The following KIAA1217 variants were observed in gnomAD, a reference collection of about 807,000 sequenced individuals.
The protein encoded by KIAA1217 is sickle tail protein homolog.
A neutral mutation model predicts 163.9 loss-of-function variants in KIAA1217; 88 were observed. That is an observed-to-expected ratio of 0.54 (90% CI 0.45 to 0.64). The LOEUF (loss-of-function observed/expected upper bound fraction) is 0.64. Ranked by LOEUF, KIAA1217 falls within the 30% of genes least tolerant of loss-of-function variation. The pLI, the probability that KIAA1217 is intolerant of heterozygous loss-of-function variation, is 0.00. For missense variants in KIAA1217, 2,372 were observed against 2,475.0 expected, an observed-to-expected ratio of 0.96 and a Z score of 0.88; for synonymous variants, 903 against 923.1, an observed-to-expected ratio of 0.98 and a Z score of 0.39.
At chr10:23,870,909 A>G (rs139206782) in intron 1 of KIAA1217, among the ~76,000 whole-genome samples, 136 of 152,260 alleles carry the variant, frequency 8.9e-4, no homozygotes, top group African/African-American at 3.1e-3. Flanking sequence ...CAGGAAGCCA[A>G]GGATAAGTGA....
chr10:23,955,036 A>T, intron 1 of KIAA1217, among the ~76,000 whole-genome samples: 1 of 152,228 alleles, frequency 6.6e-6, no homozygotes, highest in Non-Finnish European at 1.5e-5. Flanking sequence ...GGCAATAATA[A>T]CAAGTTATGT....
At chr10:24,001,927 A>G (rs1027076690) in intron 1 of KIAA1217, among the ~76,000 whole-genome samples, 7 of 152,056 alleles carry the variant, frequency 4.6e-5, no homozygotes. Flanking sequence ...CAGATACTGG[A>G]TATTCCAGAC....
intron 2 of KIAA1217, among the ~76,000 whole-genome samples, chr10:24,241,848 ATG>A (rs1470660624): frequency 1.3e-5 from 2 of 152,140 alleles, no homozygotes; most frequent in Non-Finnish European, 2.9e-5. Flanking sequence ...CAGTTTTTCC[ATG>A]TCAGACTATT....
chr10:23,809,448 G>A (rs1402341655), intron 1 of KIAA1217, among the ~76,000 whole-genome samples: 1 of 151,632 alleles, frequency 6.6e-6, no homozygotes, highest in East Asian at 1.9e-4. Context: ...ATAAAATATA[G>A]CATAGAAAAT....
At chr10:23,785,547 T>G (rs1835455278) in intron 1 of KIAA1217, among the ~76,000 whole-genome samples, 1 of 152,194 alleles carries the variant, frequency 6.6e-6, no homozygotes, top group Non-Finnish European at 1.5e-5. Flanking sequence ...CTTGTAAATA[T>G]GCACATGTAT....
At chr10:23,916,758 G>A (rs1842645546) in intron 1 of KIAA1217, among the ~76,000 whole-genome samples, 1 of 152,022 alleles carries the variant, frequency 6.6e-6, no homozygotes, top group Non-Finnish European at 1.5e-5. Flanking sequence ...CAGATCACGA[G>A]GTCAGAAGAT....
intron 2 of KIAA1217, among the ~76,000 whole-genome samples, chr10:24,078,899 A>G (rs2061452755): frequency 6.6e-6 from 1 of 152,200 alleles, no homozygotes; most frequent in Admixed American, 6.5e-5. Context: ...AAACCAGCGC[A>G]AGTGGTTCTT....
intron 1 of KIAA1217, among the ~76,000 whole-genome samples, chr10:23,750,073 A>G (rs1397425885): frequency 2.0e-5 from 3 of 150,992 alleles, no homozygotes; most frequent in African/African-American, 7.3e-5. Flanking sequence ...CTCCAACTCC[A>G]TTCCCACAGC....
chr10:24,000,977 T>A (rs1417301000), intron 1 of KIAA1217, among the ~76,000 whole-genome samples: 1 of 152,204 alleles, frequency 6.6e-6, no homozygotes, highest in African/African-American at 2.4e-5. Context: ...CCAGATAATC[T>A]CTTGGAGTTC....
At position 24,543,499 on chromosome 10, in the gene KIAA1217, A is replaced by T; in HGVS notation, c.4229A>T (p.Asp1410Val). The change falls in exon 19 of 21, where the codon GAC (aspartate) becomes GTC (valine). Residue 1410 changes from aspartate (D) to valine (V), a missense_variant. Physicochemically the swap from Asp to Val is radical, Grantham distance 152 (BLOSUM62 -3). Transcript: ENST00000376454. ...VHDIVSQKGE[D>V]IQTVNIDARK... Reference sequence around the variant, plus strand: ...GATATTGTTAGCCAAAAGGGAGAAGACATACAGACGGTTAATATCGATGCC... The same window carrying T: ...GATATTGTTAGCCAAAAGGGAGAAGTCATACAGACGGTTAATATCGATGCC... 1 of 1,614,168 alleles carries T rather than the reference A, an allele frequency of 6.2e-7. No homozygotes were observed. The highest frequency in any genetic ancestry group is 8.5e-7 in the Non-Finnish European group (1 of 1,180,032).
chr10:24,211,625 T>G (rs2068139736), intron 1 of KIAA1217, among the ~76,000 whole-genome samples: 1 of 151,358 alleles, frequency 6.6e-6, no homozygotes, highest in African/African-American at 2.4e-5. Context: ...GGTCTTGCTA[T>G]GTTGCCCAGG....
chr10:24,305,135 A>G (rs555591683), intron 2 of KIAA1217, among the ~76,000 whole-genome samples: 9 of 152,334 alleles, frequency 5.9e-5, no homozygotes, highest in Non-Finnish European at 1.3e-4. Context: ...TTTATAACAT[A>G]AAATTAAATA....
At chr10:24,026,496 C>T (rs1252919715) in intron 2 of KIAA1217, among the ~76,000 whole-genome samples, 1 of 151,792 alleles carries the variant, frequency 6.6e-6, no homozygotes, top group African/African-American at 2.4e-5. Context: ...CCTGTAGCTT[C>T]TATCTTCAAA....
At chr10:24,070,198 G>A (rs1306757022) in intron 2 of KIAA1217, among the ~76,000 whole-genome samples, 2 of 151,856 alleles carry the variant, frequency 1.3e-5, no homozygotes, top group African/African-American at 2.4e-5. Context: ...GTCCAACAGA[G>A]GTCTAACTAG....
At chr10:24,275,728 C>T (rs1487907727) in intron 2 of KIAA1217, 2 of 532,958 alleles carry the variant, frequency 3.8e-6, no homozygotes. Flanking sequence ...GCAGTGCTTC[C>T]CATTTAAAAG....
intron 1 of KIAA1217, among the ~76,000 whole-genome samples, chr10:23,993,432 A>G (rs989829520): frequency 6.6e-6 from 1 of 151,978 alleles, no homozygotes; most frequent in East Asian, 1.9e-4. Flanking sequence ...GCTATTGCTT[A>G]GTCCCCTCAT....
At chr10:24,444,964 CT>C (rs1451296886) in intron 5 of KIAA1217, among the ~76,000 whole-genome samples, 3 of 152,138 alleles carry the variant, frequency 2.0e-5, no homozygotes, top group African/African-American at 7.2e-5. Context: ...TTCTGTAAAA[CT>C]GTAAAAATGT....
intron 5 of KIAA1217, among the ~76,000 whole-genome samples, chr10:24,470,229 A>C (rs928928170): frequency 6.6e-6 from 1 of 152,212 alleles, no homozygotes; most frequent in South Asian, 2.1e-4. Context: ...TTGTGAAGGC[A>C]GAGTGAGAGA....
chr10:23,726,465 G>C (rs1022141974), intron 1 of KIAA1217, among the ~76,000 whole-genome samples: 1 of 151,894 alleles, frequency 6.6e-6, no homozygotes, highest in African/African-American at 2.4e-5. Context: ...AGAAAACTTA[G>C]GCAATACCAT....
Sources: gnomAD v4.1 joint callset for allele counts (sites outside exome capture counted in the v4.1 genomes callset) on GRCh38, gnomAD v4.1.1 for gene constraint, MANE v1.5 for transcripts, NCBI Gene and HGNC (gene_info 2026-07-23, HGNC 2026-07-21) for gene names.